Variants in ASXL2 observed in about 807,000 individuals in gnomAD.
ASXL2 encodes the protein putative Polycomb group protein ASXL2.
In ASXL2, 23 loss-of-function variants were observed where a neutral mutation model predicts 122.0. The observed-to-expected ratio is 0.19, with a 90% CI of 0.14 to 0.27. ASXL2 has a LOEUF of 0.27. Ranked by LOEUF, ASXL2 falls within the 10% of genes least tolerant of loss-of-function variation. The pLI is 1.00. For missense variants in ASXL2, 1,518 were observed against 1,713.8 expected, an observed-to-expected ratio of 0.89 and a Z score of 2.02; for synonymous variants, 650 against 637.0, an observed-to-expected ratio of 1.02 and a Z score of -0.31.
chr2:25,791,522 A>T (rs1419560121), intron 5 of ASXL2, among the ~76,000 whole-genome samples: 3 of 151,720 alleles, frequency 2.0e-5, no homozygotes, highest in Admixed American at 1.3e-4. Flanking sequence ...TACAACAAAT[A>T]TCTTGTAAAT....
chr2:25,865,774 C>CAGAA (rs2089896842), intron 1 of ASXL2, among the ~76,000 whole-genome samples: 1 of 55,536 alleles, frequency 1.8e-5, no homozygotes, highest in Admixed American at 3.0e-4. Context: ...GACTCCGTCT[C>CAGAA]AAAAAAAAAA....
chr2:25,817,846 G>A (rs1452672676), intron 3 of ASXL2, among the ~76,000 whole-genome samples: 1 of 152,124 alleles, frequency 6.6e-6, no homozygotes, highest in East Asian at 1.9e-4. Context: ...AACCCCAGAT[G>A]CCCACAAATA....
Position 25,878,203 on chromosome 2 carries a change from C to T in ASXL2, c.20G>A (p.Arg7Lys). Residue 7 changes from arginine to lysine, a missense_variant, in exon 1 of 13, where the codon AGG becomes AAG. Transcript: ENST00000435504. ...CTCCGCCCAGGTCCTGCCCTTCTTCCTACGTCCCTTTTCCCTCATGTCGGG... is the reference window on the plus strand; with the variant it reads ...CTCCGCCCAGGTCCTGCCCTTCTTCTTACGTCCCTTTTCCCTCATGTCGGG... MREKGR[R>K]KKGRTWAEAA... 1 of 1,613,926 alleles carries T rather than the reference C, an allele frequency of 6.2e-7. No individual in the cohort carries two copies. Among genetic ancestry groups the T allele is most frequent in the South Asian group, 1.1e-5 (1 of 91,090 alleles).
Position 25,739,884 on chromosome 2 carries a change from AGCCCTCGGC to A in ASXL2, c.*2136_*2144del. 4.6e-6 allele frequency: 1 copy of A among 218,498 alleles called. No individual in the cohort carries two copies. The highest frequency in any genetic ancestry group is 6.7e-5 in the East Asian group (1 of 14,890). 13.5% of individuals were successfully genotyped at this position (218,498 alleles called of 1,614,324 possible). A position where few individuals can be genotyped will look rare whatever the true frequency, so the allele number is the denominator to read the frequency against. ...CTCAACCTCTTCCAGCATGCAGACC[AGCCCTCGGC>A]CCTGGCACTAAGGTGGAGTTAAGGG... is the stretch of plus-strand genomic sequence containing the variant. On this transcript the variant is annotated 3_prime_UTR_variant, in exon 13 of 13. Coordinates refer to ENST00000435504, the MANE Select transcript of ASXL2 (RefSeq NM_018263.6).
intron 1 of ASXL2, among the ~76,000 whole-genome samples, chr2:25,850,322 A>G (rs2089700283): frequency 6.6e-6 from 1 of 152,220 alleles, no homozygotes; most frequent in African/African-American, 2.4e-5. Context: ...CATATACTGC[A>G]TTTGGCTAAC....
Position 25,741,949 on chromosome 2 carries a change from G to T in ASXL2, c.*80C>A. ...CTGAAACCTACTTGTTTATTTCTGT[G>T]ATTCCAAAAGGACGCAAAAAACCCA... On this transcript the variant is annotated 3_prime_UTR_variant, in exon 13 of 13. Transcript: ENST00000435504. The T allele has an allele frequency of 7.4e-7, 1 of 1,352,920 alleles. No individual in the cohort carries two copies. Among genetic ancestry groups the T allele is most frequent in the Non-Finnish European group, 1.0e-6 (1 of 984,166 alleles). 83.8% of individuals were successfully genotyped at this position (1,352,920 alleles called of 1,614,324 possible). A position where few individuals can be genotyped will look rare whatever the true frequency, so the allele number is the denominator to read the frequency against.
At chr2:25,877,462 T>G (rs2090018461) in intron 1 of ASXL2, among the ~76,000 whole-genome samples, 1 of 152,082 alleles carries the variant, frequency 6.6e-6, no homozygotes, top group Non-Finnish European at 1.5e-5. Flanking sequence ...TAGGGCACCA[T>G]CCCTTTGGCT....
intron 8 of ASXL2, among the ~76,000 whole-genome samples, chr2:25,762,737 G>C (rs1574402746): frequency 6.9e-6 from 1 of 145,610 alleles, no homozygotes; most frequent in East Asian, 2.0e-4. Context: ...AACTATGACT[G>C]AGAAACAAGT....
intron 3 of ASXL2, among the ~76,000 whole-genome samples, chr2:25,821,351 T>C (rs989875811): frequency 2.1e-5 from 3 of 143,452 alleles, no homozygotes; most frequent in Non-Finnish European, 3.0e-5. Flanking sequence ...AGCAAGACCC[T>C]GTCAGGAAAG....
At chr2:25,807,251 G>A (rs1267000419) in intron 3 of ASXL2, among the ~76,000 whole-genome samples, 1 of 152,132 alleles carries the variant, frequency 6.6e-6, no homozygotes, top group Non-Finnish European at 1.5e-5. Flanking sequence ...TCAGTTTTCT[G>A]TTGATGCTAC....
At chr2:25,875,396 A>G (rs1023961090) in intron 1 of ASXL2, among the ~76,000 whole-genome samples, 1 of 152,180 alleles carries the variant, frequency 6.6e-6, no homozygotes, top group Non-Finnish European at 1.5e-5. Flanking sequence ...TGAGACCAGA[A>G]GTTCAAGGCT....
At chr2:25,869,895 C>A (rs2089948994) in intron 1 of ASXL2, among the ~76,000 whole-genome samples, 1 of 144,688 alleles carries the variant, frequency 6.9e-6, no homozygotes, top group African/African-American at 2.6e-5. Context: ...ATGGTATATC[C>A]AGTAACAATG....
Position 25,749,727 on chromosome 2 carries a change from C to A in ASXL2, c.1829G>T (p.Arg610Ile). 1 of 1,538,238 alleles carries A rather than the reference C, an allele frequency of 6.5e-7. No homozygotes were observed. ...SPQPFLNRGDRIQVRKVPPLK... is the reference protein window; with the variant it reads ...SPQPFLNRGDIIQVRKVPPLK... ...AGGTGGTACTTTTCGCACCTGGATT[C>A]TGTCCCCTCTATTGAGAAAGGGCTG... The change falls in exon 12 of 13, where the codon AGA becomes ATA. Residue 610 changes from arginine (R) to isoleucine (I), a missense_variant. Arg to Ile is a moderately conservative substitution (Grantham distance 97, BLOSUM62 -3). Transcript: ENST00000435504.
intron 1 of ASXL2, among the ~76,000 whole-genome samples, chr2:25,866,664 T>C (rs1412595710): frequency 1.3e-5 from 2 of 152,182 alleles, no homozygotes; most frequent in African/African-American, 4.8e-5. Flanking sequence ...TCCAAACCAA[T>C]AACAAGACAG....
At chr2:25,816,478 G>A (rs1032946487) in intron 3 of ASXL2, among the ~76,000 whole-genome samples, 1 of 152,134 alleles carries the variant, frequency 6.6e-6, no homozygotes, top group Non-Finnish European at 1.5e-5. Context: ...GAGACATGAC[G>A]GAAGCAGAGG....
At chr2:25,833,120 T>C (rs147521505) in intron 3 of ASXL2, among the ~76,000 whole-genome samples, 2 of 152,272 alleles carry the variant, frequency 1.3e-5, no homozygotes, top group East Asian at 3.9e-4. Flanking sequence ...GGTAGGTACA[T>C]GAATCTATAC....
At chr2:25,865,085 A>G (rs545230711) in intron 1 of ASXL2, among the ~76,000 whole-genome samples, 1 of 151,872 alleles carries the variant, frequency 6.6e-6, no homozygotes, top group Middle Eastern at 3.2e-3. Context: ...AGCCTACAAA[A>G]GTGCTGAGAT....
At chr2:25,771,677 T>A in intron 5 of ASXL2, 137 bp from the exon 6 acceptor site, 1 of 688,202 alleles carries the variant, frequency 1.5e-6, no homozygotes, top group Non-Finnish European at 2.4e-6. Context: ...TTTTGGAGTT[T>A]TACTGCAAAC....
rs143729266 is a variant in ASXL2 at position 25,812,407 on chromosome 2, C to A, written c.144-6070G>T. Among the ~76,000 whole-genome samples the A allele has an allele frequency of 2.4e-3, 365 of 152,152 alleles. 2 individuals carry two copies. Among genetic ancestry groups the A allele is most frequent in the African/African-American group, 8.4e-3 (348 of 41,512 alleles). On this transcript the variant is annotated intron_variant, in intron 3 of 12. Coordinates refer to ENST00000435504, the MANE Select transcript of ASXL2 (RefSeq NM_018263.6). Reference sequence around the variant, plus strand: ...ACTGGGAGGTGGAAGTTGCAGTGAGCCGAGACCGCGCCATTGCACTCCAGC... The same window carrying A: ...ACTGGGAGGTGGAAGTTGCAGTGAGACGAGACCGCGCCATTGCACTCCAGC...
Sources: allele counts gnomAD v4.1 joint callset (sites outside exome capture counted in the v4.1 genomes callset), GRCh38; gene constraint gnomAD v4.1.1; transcripts MANE v1.5; gene names NCBI Gene and HGNC (gene_info 2026-07-23, HGNC 2026-07-21).